ADAM32: variants seen among roughly 807,000 people sequenced by gnomAD.
The protein encoded by ADAM32 is disintegrin and metalloproteinase domain-containing protein 32.
Under a neutral mutation model 114.9 loss-of-function variants are expected in ADAM32, and 89 were observed. The ratio of observed to expected loss-of-function variants is 0.77; its 90% CI spans 0.65 to 0.92. The LOEUF is 0.92. ADAM32 is among the 40% of genes least tolerant of loss of function. ADAM32 has a pLI of 0.00. For missense variants in ADAM32, 870 were observed against 932.8 expected, an observed-to-expected ratio of 0.93 and a Z score of 0.88; for synonymous variants, 285 against 307.5, an observed-to-expected ratio of 0.93 and a Z score of 0.77.
intron 11 of ADAM32, among the ~76,000 whole-genome samples, chr8:39,209,522 T>C (rs1044050250): frequency 6.6e-6 from 1 of 152,330 alleles, no homozygotes; most frequent in Non-Finnish European, 1.5e-5. Flanking sequence ...TTCCTGAATG[T>C]TATTAATGCT....
At chr8:39,232,943 A>C (rs548013519) in intron 15 of ADAM32, among the ~76,000 whole-genome samples, 1 of 152,304 alleles carries the variant, frequency 6.6e-6, no homozygotes, top group East Asian at 1.9e-4. Flanking sequence ...TAAAGTCCTT[A>C]GAGTGTAGGG....
chr8:39,164,947 G>A (rs2129446203), intron 8 of ADAM32, 83 bp from the exon 9 acceptor site: 2 of 1,496,528 alleles, frequency 1.3e-6, no homozygotes, highest in Non-Finnish European at 1.8e-6. Flanking sequence ...CTGAGTGTGG[G>A]ATTGTAAAAA....
intron 19 of ADAM32, among the ~76,000 whole-genome samples, chr8:39,268,982 C>T (rs994485392): frequency 6.6e-6 from 1 of 152,144 alleles, no homozygotes; most frequent in African/African-American, 2.4e-5. Flanking sequence ...GAAATTATTC[C>T]CTTTGTTCAT....
At chr8:39,168,598 T>G (rs1269658143) in intron 9 of ADAM32, 1 of 152,220 alleles carries the variant, frequency 6.6e-6, no homozygotes, top group African/African-American at 2.4e-5. Flanking sequence ...CCAAATTTGT[T>G]AATATTTTCT....
chr8:39,276,970 G>GGAAT (rs1813114213), intron 22 of ADAM32, among the ~76,000 whole-genome samples: 1 of 152,030 alleles, frequency 6.6e-6, no homozygotes, highest in Non-Finnish European at 1.5e-5. Context: ...ATTTGTTGAA[G>GGAAT]GAATGAATGA....
intron 11 of ADAM32, among the ~76,000 whole-genome samples, chr8:39,192,502 A>G (rs1007215707): frequency 6.6e-6 from 1 of 152,200 alleles, no homozygotes; most frequent in Non-Finnish European, 1.5e-5. Context: ...TGGGGCATGT[A>G]GCCTGTTTAC....
chr8:39,107,883 GC>G (rs1195820099), intron 1 of ADAM32, 50 bp downstream of exon 1: 2 of 1,480,110 alleles, frequency 1.4e-6, no homozygotes, highest in African/African-American at 1.4e-5. Flanking sequence ...TCACACTGCG[GC>G]CCGACTCCCT....
intron 11 of ADAM32, among the ~76,000 whole-genome samples, chr8:39,207,750 CT>C (rs1807943208): frequency 5.3e-5 from 8 of 152,222 alleles, no homozygotes; most frequent in Admixed American, 4.6e-4. Flanking sequence ...CTATTCTACT[CT>C]CTATTTTTAT....
intron 22 of ADAM32, among the ~76,000 whole-genome samples, chr8:39,279,653 C>G (rs1228807983): frequency 6.6e-6 from 1 of 152,148 alleles, no homozygotes; most frequent in East Asian, 1.9e-4. Context: ...CATTGTTTCA[C>G]TTCCTTATAT....
chr8:39,232,774 G>A (rs530182838), intron 15 of ADAM32, among the ~76,000 whole-genome samples: 16 of 152,108 alleles, frequency 1.1e-4, no homozygotes, highest in African/African-American at 3.9e-4. Flanking sequence ...TTTCTTAACT[G>A]TGAAGTTAGA....
chr8:39,213,203 A>T lies in ADAM32; in HGVS notation c.1233+1879A>T, dbSNP rs183645814. 8.0e-4 allele frequency among the ~76,000 whole-genome samples: 122 copies of T among 152,124 alleles called. 1 individual carries two copies. The highest frequency in any genetic ancestry group is 4.1e-3 in the Admixed American group (62 of 15,282). Reference sequence around the variant, plus strand: ...AATTTACTTTTTAAGCAATTTTTTGATATATAATAGTTGTATACATTTTGG... The same window carrying T: ...AATTTACTTTTTAAGCAATTTTTTGTTATATAATAGTTGTATACATTTTGG... On this transcript the variant is annotated intron_variant, in intron 12 of 24. Coordinates refer to ENST00000379907, the MANE Select transcript of ADAM32 (RefSeq NM_145004.7).
At chr8:39,225,966 A>G (rs1433051884) in intron 14 of ADAM32, among the ~76,000 whole-genome samples, 4 of 152,222 alleles carry the variant, frequency 2.6e-5, no homozygotes, top group Admixed American at 2.6e-4. Flanking sequence ...AGATCTTCAA[A>G]TTGCCTGAAC....
intron 11 of ADAM32, among the ~76,000 whole-genome samples, chr8:39,210,657 A>G (rs7830326): frequency 0.47 from 70,966 of 152,106 alleles, 18,012 homozygotes; most frequent in South Asian, 0.69. Context: ...TATAGTAAAA[A>G]TGGACTTCCT....
chr8:39,221,338 C>T lies in ADAM32; in HGVS notation c.1234-272C>T, dbSNP rs140556978. Reference sequence around the variant, plus strand: ...TTATAGGTAGCATATAGTGAGGTCTCGCTTTTTATCCATTCTGACATTCTC... The same window carrying T: ...TTATAGGTAGCATATAGTGAGGTCTTGCTTTTTATCCATTCTGACATTCTC... On this transcript the variant is annotated intron_variant, in intron 12 of 24. Transcript: ENST00000379907. The T allele has an allele frequency of 7.8e-3, 2,399 of 305,656 alleles. 17 individuals are homozygous for T. The highest frequency in any genetic ancestry group is 9.9e-3 in the Non-Finnish European group (1,628 of 164,882). 18.9% of individuals were successfully genotyped at this position (305,656 alleles called of 1,614,324 possible). A position where few individuals can be genotyped will look rare whatever the true frequency, so the allele number is the denominator to read the frequency against.
chr8:39,107,868 G>C (rs752669021), intron 1 of ADAM32, 35 bp downstream of exon 1: 1 of 1,503,794 alleles, frequency 6.6e-7, no homozygotes, highest in South Asian at 1.3e-5. Context: ...TAGTCCGGGC[G>C]CTCGTCACAC....
chr8:39,230,755 G>A (rs1410190458), intron 14 of ADAM32, among the ~76,000 whole-genome samples: 2 of 152,164 alleles, frequency 1.3e-5, no homozygotes, highest in African/African-American at 4.8e-5. Context: ...AGAAAAAAAT[G>A]TGTATCATAG....
intron 12 of ADAM32, among the ~76,000 whole-genome samples, chr8:39,215,284 C>G (rs1808483704): frequency 6.6e-6 from 1 of 151,896 alleles, no homozygotes; most frequent in Non-Finnish European, 1.5e-5. Flanking sequence ...GCTATTTCAA[C>G]AATATTGGTT....
At chr8:39,154,983 T>A (rs1804057999) in intron 6 of ADAM32, among the ~76,000 whole-genome samples, 1 of 152,102 alleles carries the variant, frequency 6.6e-6, no homozygotes, top group South Asian at 2.1e-4. Context: ...CCCATTCTGA[T>A]TATCTCAATA....
intron 15 of ADAM32, 75 bp downstream of exon 15, chr8:39,232,210 C>T (rs1303898287): frequency 1.7e-6 from 2 of 1,194,958 alleles, no homozygotes; most frequent in East Asian, 5.0e-5. Context: ...CCTTCTGTGT[C>T]ATTCATTCCA....
Sources: allele counts gnomAD v4.1 joint callset (sites outside exome capture counted in the v4.1 genomes callset), GRCh38; gene constraint gnomAD v4.1.1; transcripts MANE v1.5; gene names NCBI Gene and HGNC (gene_info 2026-07-23, HGNC 2026-07-21).